The following ATXN7L2 variants were observed in gnomAD, a reference collection of about 807,000 sequenced individuals.
The protein encoded by ATXN7L2 is ataxin 7 like 2, also known as ataxin-7-like protein 2.
A neutral mutation model predicts 59.6 loss-of-function variants in ATXN7L2; 17 were observed. The ratio of observed to expected loss-of-function variants is 0.29; its 90% confidence interval spans 0.20 to 0.43. ATXN7L2 has a LOEUF of 0.43. ATXN7L2 is among the 20% of genes least tolerant of loss of function. The pLI is 1.00. For missense variants in ATXN7L2, 858 were observed against 1,008.9 expected (o/e 0.85, Z 2.03); for synonymous variants, 378 against 392.5 (o/e 0.96, Z 0.44).
intron 10 of ATXN7L2, 47 bp from the exon 11 acceptor site, chr1:109,492,539 G>A: frequency 1.2e-6 from 2 of 1,613,056 alleles, no homozygotes; most frequent in Non-Finnish European, 1.7e-6. Flanking sequence ...AGGACAGCTG[G>A]TAGGCCCCCA....
intron 1 of ATXN7L2, chr1:109,485,814 C>T: frequency 8.5e-7 from 1 of 1,177,958 alleles, no homozygotes; most frequent in Non-Finnish European, 1.0e-6. Flanking sequence ...AGTCCAGATG[C>T]AGCAGGTGAA....
chr1:109,489,236 CT>C (rs1228827245), intron 7 of ATXN7L2, 136 bp downstream of exon 7: 5 of 1,203,490 alleles, frequency 4.2e-6, no homozygotes, highest in Non-Finnish European at 4.6e-6. Context: ...ATTCCTGGGG[CT>C]CCTGACAGTG....
In ATXN7L2 at chr1:109,491,591, C is replaced by T. The variant is rs1342642369; in HGVS notation, c.2124C>T (p.Ala708=). ...EEVAKKRKNL[A]TYCRPVKAKH... ...TGGCCAAGAAGCGGAAAAACCTGGC[C>T]ACTTATTGCCGGCCAGTGAAGGCCA... Residue 708 remains alanine (A), a synonymous_variant, in exon 10 of 11, where the codon GCC becomes GCT. Transcript: ENST00000683729. The surrounding 1 kb of genome is among the most constrained non-coding windows in gnomAD (Gnocchi z 4.1). 1 of 1,613,860 alleles carries T rather than the reference C, an allele frequency of 6.2e-7. No individual in the cohort carries two copies.
In ATXN7L2 at chr1:109,490,253, C is replaced by T. The variant is rs776404767; in HGVS notation, c.1333-18C>T. 8.7e-6 allele frequency: 14 copies of T among 1,612,946 alleles called. No homozygotes were observed. The highest frequency in any genetic ancestry group is 2.2e-5 in the East Asian group (1 of 44,876). On this transcript the variant is annotated intron_variant, in intron 8 of 10. Coordinates refer to ENST00000683729, the MANE Select transcript of ATXN7L2 (RefSeq NM_001350175.2). ...CACCCCAGACCCTGCCAACCATGCA[C>T]CTTCCTTCTGCCTTTAGTTCTGCAC...
At position 109,486,546 on chromosome 1, in the gene ATXN7L2, C is replaced by G. The variant is rs1016876402; in HGVS notation, c.234C>G (p.Phe78Leu). 2.5e-6 allele frequency: 4 copies of G among 1,614,040 alleles called. No individual in the cohort carries two copies. The highest frequency in any genetic ancestry group is 1.7e-6 in the Non-Finnish European group (2 of 1,179,990). ...IFGHCPAHDD[F>L]YLVVCNHCSQ... ...GGCACTGCCCTGCCCATGATGACTT[C>G]TACTTGGTTGTGTGTAACCACTGCA... Residue 78 changes from phenylalanine (F) to leucine (L), a missense_variant, in exon 3 of 11, where the codon TTC becomes TTG. Physicochemically the swap from Phe to Leu is conservative, Grantham distance 22. This residue lies in a region of ATXN7L2 where 29 missense variants were observed against 64.0 expected (regional missense o/e 0.45). Transcript: ENST00000683729. This position sits in a 1 kb window ranked among gnomAD's most constrained non-coding sequence, Gnocchi z 4.3.
chr1:109,490,099 T>G lies in ATXN7L2; in HGVS notation c.1303T>G (p.Tyr435Asp), dbSNP rs779773400. Residue 435 changes from tyrosine (Y) to aspartate (D), a missense_variant, in exon 8 of 11, where the codon TAT (tyrosine) becomes GAT (aspartate). Around this residue, in one of 3 missense-constraint regions of ATXN7L2, gnomAD observed 734 missense variants for 862.3 expected, o/e 0.85. Transcript: ENST00000683729. ...CCTCCACCCACCCCCTGACTGCCATTATGCAACCCGGCCCCCACGGCCACA... is the reference window on the plus strand; with the variant it reads ...CCTCCACCCACCCCCTGACTGCCATGATGCAACCCGGCCCCCACGGCCACA... Reference protein sequence around the residue: ...DDLHPPPDCHYATRPPRPQAF... With the variant: ...DDLHPPPDCHDATRPPRPQAF... 1 of 1,586,460 alleles carries G rather than the reference T, an allele frequency of 6.3e-7. No homozygotes were observed. The highest frequency in any genetic ancestry group is 1.2e-5 in the South Asian group (1 of 86,950).
chr1:109,488,807 T>G lies in ATXN7L2; in HGVS notation c.880-40T>G. On this transcript the variant is annotated intron_variant, in intron 6 of 10. Transcript: ENST00000683729. The surrounding 1 kb of genome is among the most constrained non-coding windows in gnomAD (Gnocchi z 5.0). ...CTGCCGTCCCTCACCCCTTCTCAGT[T>G]CATACCTACTCCCCAGCTCTCCACT... 1.3e-6 allele frequency: 2 copies of G among 1,595,860 alleles called. No homozygotes were observed. Among genetic ancestry groups the G allele is most frequent in the Non-Finnish European group, 1.7e-6 (2 of 1,168,484 alleles).
rs780851236 is a variant in ATXN7L2, at chr1:109,490,370, C to T, written c.1432C>T (p.His478Tyr). The T allele has an allele frequency of 5.6e-6, 9 of 1,613,440 alleles. No homozygotes were observed. In the East Asian group the frequency reaches 2.0e-4, roughly 36 times the overall value. Residue 478 changes from histidine (H) to tyrosine (Y), a missense_variant, in exon 9 of 11, where the codon CAC becomes TAC. Around this residue, in one of 3 missense-constraint regions of ATXN7L2, gnomAD observed 734 missense variants for 862.3 expected, o/e 0.85. Transcript: ENST00000683729. ...CSALSSMLER[H>Y]LSTHMWKKIP... Reference sequence around the variant, plus strand: ...AGCACTCAGCTCCATGCTGGAACGGCACCTCAGCACACACATGTGGAAGTA... The same window carrying T: ...AGCACTCAGCTCCATGCTGGAACGGTACCTCAGCACACACATGTGGAAGTA...
chr1:109,492,502 C>G, intron 10 of ATXN7L2, 84 bp from the exon 11 acceptor site: 5 of 1,567,234 alleles, frequency 3.2e-6, no homozygotes, highest in Non-Finnish European at 4.4e-6. Context: ...AAGCTTTAGC[C>G]TCTGTAGTGC....
chr1:109,492,434 G>A, intron 10 of ATXN7L2, 152 bp from the exon 11 acceptor site: 1 of 1,051,958 alleles, frequency 9.5e-7, no homozygotes, highest in Non-Finnish European at 1.4e-6. Context: ...CCCCTGGTGA[G>A]CTGGCATTCA....
intron 5 of ATXN7L2, 79 bp downstream of exon 5, chr1:109,487,883 G>T: frequency 1.4e-6 from 2 of 1,475,526 alleles, no homozygotes; most frequent in South Asian, 2.8e-5. Context: ...GCTGGATGAG[G>T]AGGAGGTCAG....
Position 109,486,183 on chromosome 1 carries a change from C to A in ATXN7L2, c.193+61C>A. Reference sequence around the variant, plus strand: ...GCAGACAGGACCACGCTCCACTTTTCCACCACACTACAGAAGGAGGTGGCT... The same window carrying A: ...GCAGACAGGACCACGCTCCACTTTTACACCACACTACAGAAGGAGGTGGCT... On this transcript the variant is annotated intron_variant, in intron 2 of 10. Coordinates refer to ENST00000683729, the MANE Select transcript of ATXN7L2 (RefSeq NM_001350175.2). This position sits in a 1 kb window ranked among gnomAD's most constrained non-coding sequence, Gnocchi z 4.3. The A allele has an allele frequency of 6.6e-7, 1 of 1,504,118 alleles. No homozygotes were observed. The highest frequency in any genetic ancestry group is 1.4e-5 in the South Asian group (1 of 72,448). 93.2% of individuals were successfully genotyped at this position (1,504,118 alleles called of 1,614,324 possible).
At position 109,483,936 on chromosome 1, in the gene ATXN7L2, C is replaced by G; in HGVS notation, c.-18C>G. The G allele has an allele frequency of 8.3e-7, 1 of 1,202,114 alleles. No homozygotes were observed. The highest frequency in any genetic ancestry group is 1.6e-5 in the African/African-American group (1 of 62,894). The allele number at this position is 1,202,114 out of a possible 1,614,324, so 74.5% of individuals were successfully genotyped here. On this transcript the variant is annotated 5_prime_UTR_variant, in exon 1 of 11. Transcript: ENST00000683729. ...CGCGCGGCGGCGGCGCCAGGGCGGG[C>G]GCGCGTCCGCGGCGGTGATGGCGGT... is the stretch of plus-strand genomic sequence containing the variant.
At chr1:109,489,644 G>A (rs1472283846) in intron 7 of ATXN7L2, 2 of 512,904 alleles carry the variant, frequency 3.9e-6, no homozygotes, top group African/African-American at 3.9e-5. Context: ...TTTTAACTGT[G>A]AAGATTTTCT....
intron 1 of ATXN7L2, among the ~76,000 whole-genome samples, 197 bp downstream of exon 1, chr1:109,484,277 G>A (rs1269864625): frequency 6.6e-6 from 1 of 151,844 alleles, no homozygotes; most frequent in African/African-American, 2.4e-5. Context: ...CCTGCTCACC[G>A]CTCGCAGCCC....
At chr1:109,489,367 C>T (rs1656847808) in intron 7 of ATXN7L2, 3 of 512,986 alleles carry the variant, frequency 5.8e-6, no homozygotes, top group East Asian at 3.3e-5. Context: ...CTCCAACAGA[C>T]CGAAACTTGT....
At chr1:109,489,621 G>C (rs1656869675) in intron 7 of ATXN7L2, 2 of 464,890 alleles carry the variant, frequency 4.3e-6, no homozygotes, top group Non-Finnish European at 7.7e-6. Flanking sequence ...GGGCTGACCA[G>C]AGCTGGGTAC....
At position 109,491,912 on chromosome 1, in the gene ATXN7L2, TC is replaced by T; in HGVS notation, c.2250+199del. 5 of 1,204,550 alleles carry T rather than the reference TC, an allele frequency of 4.2e-6. No individual in the cohort carries two copies. In the South Asian group the frequency reaches 9.1e-5, roughly 22 times the overall value. The allele number at this position is 1,204,550 out of a possible 1,614,324, so 74.6% of individuals were successfully genotyped here. A position where few individuals can be genotyped will look rare whatever the true frequency, so the allele number is the denominator to read the frequency against. ...CTCCAGCTTTTTGCCTGGTGAACCTTCCCCTATCCCTAACCCTTTCCCTTGG... is the reference window on the plus strand; with the variant it reads ...CTCCAGCTTTTTGCCTGGTGAACCTTCCCTATCCCTAACCCTTTCCCTTGG... On this transcript the variant is annotated intron_variant, in intron 10 of 10. Coordinates refer to ENST00000683729, the MANE Select transcript of ATXN7L2 (RefSeq NM_001350175.2). The surrounding 1 kb of genome is among the most constrained non-coding windows in gnomAD (Gnocchi z 4.1).
chr1:109,485,397 G>A (rs1391210875), intron 1 of ATXN7L2: 15 of 985,378 alleles, frequency 1.5e-5, no homozygotes, highest in Non-Finnish European at 1.8e-5. Flanking sequence ...TTGCATAGCT[G>A]ACCAAGGAGA....
Sources: gnomAD v4.1 joint callset for allele counts (sites outside exome capture counted in the v4.1 genomes callset) on GRCh38, gnomAD v4.1.1 for gene constraint, gnomAD v4.1.1 regional missense constraint, Gnocchi (gnomAD v3.1) non-coding constraint, MANE v1.5 for transcripts, NCBI Gene and HGNC (gene_info 2026-07-23, HGNC 2026-07-21) for gene names.